Variants in PCDH11X observed in about 807,000 individuals in gnomAD.
The protein encoded by PCDH11X is protocadherin 11 X-linked, also known as protocadherin-11 X-linked.
PCDH11X carries 18 observed loss-of-function variants against 53.3 expected under a neutral mutation model. The ratio of observed to expected loss-of-function variants is 0.34; its 90% CI spans 0.23 to 0.50. PCDH11X has a LOEUF of 0.50. PCDH11X is among the 20% of genes least tolerant of loss of function. The pLI is 0.98. For synonymous variants in PCDH11X, 279 were observed against 393.3 expected, an observed-to-expected ratio of 0.71 and a Z score of 3.44; for missense variants, 570 against 1,032.4, an observed-to-expected ratio of 0.55 and a Z score of 6.14.
chrX:92,566,300 A>T (rs1472636762), intron 10 of PCDH11X, among the ~76,000 whole-genome samples: 31 of 109,046 alleles, frequency 2.8e-4, no homozygotes, highest in Non-Finnish European at 5.2e-4. Flanking sequence ...ATCAAGTGAA[A>T]TACATTTGAG....
chrX:92,613,095 ATT>A (rs1018492632), intron 10 of PCDH11X, among the ~76,000 whole-genome samples: 2 of 110,020 alleles, frequency 1.8e-5, no homozygotes, highest in Non-Finnish European at 1.9e-5. Flanking sequence ...CCTTCAGGCC[ATT>A]TAAATTCAAG....
intron 10 of PCDH11X, among the ~76,000 whole-genome samples, chrX:92,609,051 C>A (rs1927092061): frequency 9.0e-6 from 1 of 111,321 alleles, no homozygotes; most frequent in South Asian, 3.7e-4. Context: ...ATTTGAGACT[C>A]ATCCATGTTG....
At chrX:92,003,364 G>T (rs1394482185) in intron 6 of PCDH11X, among the ~76,000 whole-genome samples, 3 of 109,631 alleles carry the variant, frequency 2.7e-5, no homozygotes, top group Non-Finnish European at 5.7e-5. Flanking sequence ...TGTCAGTCTG[G>T]TTTTGGTATC....
chrX:92,000,193 A>G (rs1281215932), intron 6 of PCDH11X, among the ~76,000 whole-genome samples: 1 of 111,445 alleles, frequency 9.0e-6, no homozygotes, highest in Admixed American at 9.6e-5. Context: ...TGTAAATTGA[A>G]TATTTCACCT....
chrX:92,523,079 G>A (rs973795232), intron 10 of PCDH11X, among the ~76,000 whole-genome samples: 6 of 112,176 alleles, frequency 5.3e-5, no homozygotes, highest in African/African-American at 1.9e-4. Flanking sequence ...TTAATGATAT[G>A]CACATCCTTT....
At chrX:92,093,031 A>G (rs1019719684) in intron 6 of PCDH11X, among the ~76,000 whole-genome samples, 1 of 111,398 alleles carries the variant, frequency 9.0e-6, no homozygotes, top group African/African-American at 3.3e-5. Flanking sequence ...TCCTCCTCCT[A>G]TGGCCATGTC....
intron 3 of PCDH11X, among the ~76,000 whole-genome samples, 154 bp downstream of exon 3, chrX:91,810,732 T>C (rs1936268146): frequency 8.9e-6 from 1 of 112,281 alleles, no homozygotes; most frequent in African/African-American, 3.2e-5. Flanking sequence ...TAGTGATGTA[T>C]ATTATGTGAT....
At chrX:92,259,425 G>T (rs1174643622) in intron 7 of PCDH11X, among the ~76,000 whole-genome samples, 4 of 111,320 alleles carry the variant, frequency 3.6e-5, no homozygotes, top group Admixed American at 2.9e-4. Flanking sequence ...CAAAGGGGTA[G>T]CAGCACTTCA....
chrX:92,001,568 A>G (rs1298374486), intron 6 of PCDH11X, among the ~76,000 whole-genome samples: 1 of 106,294 alleles, frequency 9.4e-6, no homozygotes, highest in African/African-American at 3.5e-5. Context: ...GCCTGGGTTC[A>G]AGAGATTCTC....
intron 6 of PCDH11X, among the ~76,000 whole-genome samples, chrX:91,881,172 C>CA (rs1453326622): frequency 1.0e-4 from 11 of 109,452 alleles, no homozygotes; most frequent in Admixed American, 8.8e-4. Flanking sequence ...GGATGAAGAA[C>CA]AAAAAACTGA....
intron 8 of PCDH11X, among the ~76,000 whole-genome samples, chrX:92,326,170 T>C (rs2069325077): frequency 9.1e-6 from 1 of 109,512 alleles, no homozygotes; most frequent in African/African-American, 3.3e-5. Flanking sequence ...AGCAGGTGGC[T>C]GAAATGGTTG....
chrX:92,228,885 TC>T (rs1217683743), intron 7 of PCDH11X, among the ~76,000 whole-genome samples: 1 of 112,041 alleles, frequency 8.9e-6, no homozygotes, highest in Non-Finnish European at 1.9e-5. Flanking sequence ...ACCTTGTCTT[TC>T]CTTATAGACA....
intron 8 of PCDH11X, among the ~76,000 whole-genome samples, chrX:92,374,089 T>C (rs1053542372): frequency 2.9e-4 from 31 of 107,095 alleles, no homozygotes; most frequent in African/African-American, 1.1e-3. Flanking sequence ...TTTTTATATA[T>C]AATTATATTT....
chrX:92,021,970 T>C (rs1320033631), intron 6 of PCDH11X, among the ~76,000 whole-genome samples: 2 of 108,067 alleles, frequency 1.9e-5, no homozygotes, highest in Non-Finnish European at 1.9e-5. Context: ...AAGCAAATAC[T>C]GAAGGATTTC....
intron 10 of PCDH11X, among the ~76,000 whole-genome samples, chrX:92,540,455 C>T (rs35901683): frequency 0.025 from 2,695 of 106,476 alleles, 121 homozygotes; most frequent in African/African-American, 0.09. Flanking sequence ...CCTTTCAAGG[C>T]AGTGAGCTCC....
At chrX:92,168,313 C>A (rs899702516) in intron 6 of PCDH11X, among the ~76,000 whole-genome samples, 25 of 110,984 alleles carry the variant, frequency 2.3e-4, no homozygotes, top group African/African-American at 7.8e-4. Context: ...AAACCCACCA[C>A]TTTGGAAGGC....
intron 9 of PCDH11X, 74 bp downstream of exon 9, chrX:92,388,007 A>T (rs1241636942): frequency 7.6e-6 from 9 of 1,184,798 alleles, no homozygotes; most frequent in Non-Finnish European, 9.1e-6. Flanking sequence ...CATAGCCATA[A>T]TAACATGGGC....
intron 6 of PCDH11X, among the ~76,000 whole-genome samples, chrX:92,005,627 T>G (rs2062586572): frequency 8.9e-6 from 1 of 112,193 alleles, no homozygotes; most frequent in African/African-American, 3.2e-5. Context: ...CTTAAGATAA[T>G]AGTAGTTTAC....
intron 6 of PCDH11X, among the ~76,000 whole-genome samples, chrX:92,132,667 A>G (rs1212536174): frequency 7.2e-5 from 4 of 55,220 alleles, no homozygotes; most frequent in Admixed American, 2.9e-4. Flanking sequence ...GTATATATAT[A>G]TGTATATGTA....
Sources: gnomAD v4.1 joint callset for allele counts (sites outside exome capture counted in the v4.1 genomes callset) on GRCh38, gnomAD v4.1.1 for gene constraint, MANE v1.5 for transcripts, NCBI Gene and HGNC (gene_info 2026-07-23, HGNC 2026-07-21) for gene names.